HECW1: variants seen among roughly 807,000 people sequenced by gnomAD.
HECW1 encodes the protein E3 ubiquitin-protein ligase HECW1.
A neutral mutation model predicts 182.3 loss-of-function variants in HECW1; 61 were observed. The ratio of observed to expected loss-of-function variants is 0.33; its 90% CI spans 0.27 to 0.41. HECW1 has a LOEUF of 0.41. HECW1 is among the 10% of genes least tolerant of loss of function. The probability of loss-of-function intolerance (pLI) is 1.00; values close to 1 mark genes in which losing one functional copy is unlikely to be tolerated. For missense variants in HECW1, 1,739 were observed against 2,108.9 expected (o/e 0.82, Z 3.44); for synonymous variants, 859 against 832.6 (o/e 1.03, Z -0.55).
At chr7:43,265,414 A>C in intron 3 of HECW1, among the ~76,000 whole-genome samples, 1 of 152,214 alleles carries the variant, frequency 6.6e-6, no homozygotes, top group East Asian at 1.9e-4. Flanking sequence ...GACAGCCTAA[A>C]GAAGAGCACA....
chr7:43,220,947 G>A (rs1796887308), intron 2 of HECW1, among the ~76,000 whole-genome samples: 1 of 152,212 alleles, frequency 6.6e-6, no homozygotes, highest in African/African-American at 2.4e-5. Flanking sequence ...GTCACAGAAG[G>A]AAGCCATTAG....
intron 5 of HECW1, among the ~76,000 whole-genome samples, chr7:43,330,709 G>A (rs1420409161): frequency 2.0e-5 from 3 of 152,222 alleles, no homozygotes; most frequent in African/African-American, 7.2e-5. Context: ...GAGTTGGTGA[G>A]AAAGACTGTA....
intron 17 of HECW1, among the ~76,000 whole-genome samples, chr7:43,486,323 G>C (rs2078636335): frequency 6.6e-6 from 1 of 151,228 alleles, no homozygotes; most frequent in East Asian, 1.9e-4. Context: ...GTCTCACCCT[G>C]TCTCCCAGGC....
At chr7:43,468,742 GA>G (rs2077893428) in intron 15 of HECW1, among the ~76,000 whole-genome samples, 177 bp from the exon 16 acceptor site, 2 of 152,094 alleles carry the variant, frequency 1.3e-5, no homozygotes, top group Admixed American at 1.3e-4. Flanking sequence ...GGCTGGTCTC[GA>G]ATTCCTGGGT....
chr7:43,540,947 G>T lies in HECW1; in HGVS notation c.4020-216G>T, dbSNP rs565102446. On this transcript the variant is annotated intron_variant, in intron 24 of 29. Transcript: ENST00000395891. ...AATGACTCGAGTCTGCTACATGGCT[G>T]GAAGAGGAGGCTTCCTTTAGTCCCT... 2.0e-5 allele frequency among the ~76,000 whole-genome samples: 3 copies of T among 152,278 alleles called. No individual in the cohort carries two copies. The South Asian group carries it at 6.2e-4, about 32-fold the overall frequency.
chr7:43,298,228 C>A (rs1324031462), intron 3 of HECW1, among the ~76,000 whole-genome samples: 2 of 152,226 alleles, frequency 1.3e-5, no homozygotes, highest in African/African-American at 4.8e-5. Context: ...TTCTAACAAC[C>A]TCATTTTGGC....
At chr7:43,382,264 C>T (rs932547372) in intron 6 of HECW1, among the ~76,000 whole-genome samples, 7 of 150,190 alleles carry the variant, frequency 4.7e-5, no homozygotes, top group African/African-American at 9.8e-5. Flanking sequence ...CCAGCCTGGG[C>T]GACAGAGCGA....
chr7:43,390,537 TA>T (rs773044688), intron 6 of HECW1, among the ~76,000 whole-genome samples: 16 of 111,224 alleles, frequency 1.4e-4, no homozygotes, highest in Middle Eastern at 5.6e-3. Context: ...AAGCAACTCT[TA>T]AAAAAAAAAA....
chr7:43,349,196 G>A lies in HECW1; in HGVS notation c.461-11690G>A, dbSNP rs757144341. On this transcript the variant is annotated intron_variant, in intron 5 of 29. Coordinates refer to ENST00000395891, the MANE Select transcript of HECW1 (RefSeq NM_015052.5). ...ATTACAGGCATGCGCCACCACGCCCGGCTAATTTTGTATTTTTAGTAGAGA... is the reference window on the plus strand; with the variant it reads ...ATTACAGGCATGCGCCACCACGCCCAGCTAATTTTGTATTTTTAGTAGAGA... 3.9e-5 allele frequency among the ~76,000 whole-genome samples: 6 copies of A among 151,930 alleles called. No homozygotes were observed. In the East Asian group the frequency reaches 5.8e-4, roughly 15 times the overall value.
rs761179244 is a variant in HECW1 at position 43,541,153 on chromosome 7, T to C, written c.4020-10T>C. 5 of 1,606,880 alleles carry C rather than the reference T, an allele frequency of 3.1e-6. No homozygotes were observed. The East Asian group carries it at 1.1e-4, about 36-fold the overall frequency. On this transcript the variant is annotated splice_polypyrimidine_tract_variant and intron_variant, in intron 24 of 29. Transcript: ENST00000395891. ...CACTTACCGATTTCTCTGCCTTGTC[T>C]GTGTTCCAGGTTCAGGTTTAGCGGT...
intron 5 of HECW1, among the ~76,000 whole-genome samples, chr7:43,349,705 G>T (rs1237017593): frequency 1.3e-5 from 2 of 152,186 alleles, no homozygotes; most frequent in Non-Finnish European, 2.9e-5. Flanking sequence ...CCATTTGCAT[G>T]AAATGCCTTT....
chr7:43,454,010 C>T lies in HECW1; in HGVS notation c.2501-2287C>T, dbSNP rs541529095. 2.6e-5 allele frequency among the ~76,000 whole-genome samples: 4 copies of T among 152,264 alleles called. No homozygotes were observed. The East Asian group carries it at 7.7e-4, about 29-fold the overall frequency. On this transcript the variant is annotated intron_variant, in intron 12 of 29. Coordinates refer to ENST00000395891, the MANE Select transcript of HECW1 (RefSeq NM_015052.5). ...AGTATATAATTAGCACAATACATTC[C>T]AGGTATTTAATGTATTGACAAAAGA...
rs945261945 is a variant in HECW1 at position 43,493,315 on chromosome 7, T to A, written c.3437+135T>A. ...TGCATTTAAATGAGAACTTGAATCC[T>A]CAAGATGAAGGGTTCGGGGTTCCTG... On this transcript the variant is annotated intron_variant, in intron 19 of 29. Transcript: ENST00000395891. The A allele has an allele frequency of 4.8e-5, 28 of 585,272 alleles. No individual in the cohort carries two copies. In the Middle Eastern group the frequency reaches 1.1e-3, roughly 23 times the overall value. The allele number at this position is 585,272 out of a possible 1,614,324, so 36.3% of individuals were successfully genotyped here. A position where few individuals can be genotyped will look rare whatever the true frequency, so the allele number is the denominator to read the frequency against.
chr7:43,488,002 A>C (rs373310567), intron 17 of HECW1, among the ~76,000 whole-genome samples: 27 of 150,990 alleles, frequency 1.8e-4, no homozygotes, highest in African/African-American at 5.9e-4. Context: ...AGAAAGAAAG[A>C]AAGCCAGCCA....
chr7:43,118,984 A>G (rs1346374113), intron 2 of HECW1: 3 of 151,984 alleles, frequency 2.0e-5, no homozygotes, highest in African/African-American at 4.8e-5. Context: ...GGCCTTCTTC[A>G]CTCCCTCCAT....
In HECW1 at chr7:43,341,313, TAAA is replaced by T. The variant is rs1489128100; in HGVS notation, c.461-19572_461-19570del. 6.0e-3 allele frequency among the ~76,000 whole-genome samples: 408 copies of T among 68,262 alleles called. 1 individual carries two copies. The highest frequency in any genetic ancestry group is 7.3e-3 in the African/African-American group (32 of 4,364). The allele number at this position is 68,262 out of a possible 152,430, so 44.8% of individuals were successfully genotyped here. On this transcript the variant is annotated intron_variant, in intron 5 of 29. Coordinates refer to ENST00000395891, the MANE Select transcript of HECW1 (RefSeq NM_015052.5). ...ACCCTAGAACTTACAGTATTATAAA[TAAA>T]TAAATAAATAAATAAATAAATAAAT...
intron 2 of HECW1, among the ~76,000 whole-genome samples, chr7:43,173,503 CCA>C (rs776393910): frequency 6.6e-6 from 1 of 152,188 alleles, no homozygotes; most frequent in Non-Finnish European, 1.5e-5. Context: ...GACAATTTTT[CCA>C]CAGAGTCCAG....
At position 43,221,537 on chromosome 7, in the gene HECW1, GTTTTTTTTTTTT is replaced by G. The variant is rs71008897; in HGVS notation, c.-31-22307_-31-22296del. Among the ~76,000 whole-genome samples the G allele has an allele frequency of 5.6e-3, 283 of 50,486 alleles. 6 individuals carry two copies. The highest frequency in any genetic ancestry group is 0.02 in the Middle Eastern group (1 of 50). The allele number at this position is 50,486 out of a possible 152,430, so 33.1% of individuals were successfully genotyped here. ...CTAAACTAAATGTCAGAGGAATTAGGTTTTTTTTTTTTTTTTTTTTTTTTTTTTTTTTTTTTT... is the reference window on the plus strand; with the variant it reads ...CTAAACTAAATGTCAGAGGAATTAGGTTTTTTTTTTTTTTTTTTTTTTTTT... On this transcript the variant is annotated intron_variant, in intron 2 of 29. Transcript: ENST00000395891.
intron 6 of HECW1, among the ~76,000 whole-genome samples, chr7:43,382,346 G>A (rs1412159280): frequency 6.6e-6 from 1 of 151,944 alleles, no homozygotes; most frequent in Non-Finnish European, 1.5e-5. Context: ...TGTGTCTGAG[G>A]ATGCGGTGAA....
Sources: allele counts gnomAD v4.1 joint callset (sites outside exome capture counted in the v4.1 genomes callset), GRCh38; gene constraint gnomAD v4.1.1; transcripts MANE v1.5; gene names NCBI Gene and HGNC (gene_info 2026-07-23, HGNC 2026-07-21).